The following GOLM1 variants were observed in gnomAD, a reference collection of about 807,000 sequenced individuals.
The protein encoded by GOLM1 is golgi membrane protein 1.
Under a neutral mutation model 50.5 loss-of-function variants are expected in GOLM1, and 31 were observed. That is an observed-to-expected ratio of 0.61 (90% CI 0.46 to 0.83). GOLM1 has a LOEUF of 0.83. GOLM1 is among the 40% of genes least tolerant of loss of function. GOLM1 has a pLI of 0.00. For missense variants in GOLM1, 491 were observed against 501.3 expected (o/e 0.98, Z 0.20); for synonymous variants, 178 against 192.8 (o/e 0.92, Z 0.64).
At position 86,052,445 on chromosome 9, in the gene GOLM1, T is replaced by TA; in HGVS notation, c.364+91dup. The TA allele has an allele frequency of 3.9e-6, 4 of 1,038,292 alleles. No homozygotes were observed. The South Asian group carries it at 5.1e-5, about 13-fold the overall frequency. 64.3% of individuals were successfully genotyped at this position (1,038,292 alleles called of 1,614,324 possible). A position where few individuals can be genotyped will look rare whatever the true frequency, so the allele number is the denominator to read the frequency against. ...CATGACACTATCCGCCATGAGATTA[T>TA]AATGGAGACCCACCTGGGCCTAGAG... On this transcript the variant is annotated intron_variant, in intron 4 of 9. Coordinates refer to ENST00000388712, the MANE Select transcript of GOLM1 (RefSeq NM_016548.4).
chr9:86,046,313 T>C (rs1055257071), intron 5 of GOLM1, among the ~76,000 whole-genome samples, 157 bp downstream of exon 5: 1 of 152,246 alleles, frequency 6.6e-6, no homozygotes, highest in Admixed American at 6.5e-5. Flanking sequence ...CTTGTGCATT[T>C]GTGTAGGACA....
intron 3 of GOLM1, among the ~76,000 whole-genome samples, chr9:86,065,770 G>A (rs955929345): frequency 2.6e-5 from 4 of 152,152 alleles, no homozygotes; most frequent in African/African-American, 4.8e-5. Flanking sequence ...GGCTGGGTGC[G>A]GTGGCACACA....
intron 6 of GOLM1, 91 bp from the exon 7 acceptor site, chr9:86,036,598 T>C (rs1833154923): frequency 5.4e-6 from 7 of 1,303,088 alleles, no homozygotes; most frequent in Non-Finnish European, 7.4e-6. Flanking sequence ...ATCCCACCAA[T>C]CCCACCACCA....
chr9:86,070,669 C>A (rs1834423552), intron 3 of GOLM1, among the ~76,000 whole-genome samples: 1 of 152,140 alleles, frequency 6.6e-6, no homozygotes, highest in African/African-American at 2.4e-5. Context: ...ACACAGGGCC[C>A]CAGGCACATC....
At chr9:86,069,895 T>C (rs566666783) in intron 3 of GOLM1, among the ~76,000 whole-genome samples, 4 of 67,828 alleles carry the variant, frequency 5.9e-5, no homozygotes, top group Non-Finnish European at 9.8e-5. Context: ...TCTTTTTTTC[T>C]TTTTTTGAGA....
At chr9:86,067,683 G>A (rs1359733025) in intron 3 of GOLM1, among the ~76,000 whole-genome samples, 1 of 152,198 alleles carries the variant, frequency 6.6e-6, no homozygotes, top group Non-Finnish European at 1.5e-5. Context: ...TTGAACCTGT[G>A]AAGGAGCCCA....
In GOLM1 at chr9:86,027,369, G is replaced by C. The variant is rs1351012979; in HGVS notation, c.*448C>G. 1 of 990,174 alleles carries C rather than the reference G, an allele frequency of 1.0e-6. No individual in the cohort carries two copies. Among genetic ancestry groups the C allele is most frequent in the South Asian group, 4.6e-5 (1 of 21,570 alleles). The allele number at this position is 990,174 out of a possible 1,614,324, so 61.3% of individuals were successfully genotyped here. A position where few individuals can be genotyped will look rare whatever the true frequency, so the allele number is the denominator to read the frequency against. On this transcript the variant is annotated 3_prime_UTR_variant, in exon 10 of 10. Transcript: ENST00000388712. ...GAGCATTAGCCAGACTTTTCAGTGA[G>C]AACAGGTAACAGGCTGGCACCAGCA...
At position 86,046,687 on chromosome 9, in the gene GOLM1, G is replaced by A. The variant is rs1587705999; in HGVS notation, c.365-115C>T. The A allele has an allele frequency of 1.7e-5, 12 of 702,420 alleles. No homozygotes were observed. In the East Asian group the frequency reaches 3.3e-4, roughly 19 times the overall value. 43.5% of individuals were successfully genotyped at this position (702,420 alleles called of 1,614,324 possible). The stretch of plus-strand genomic sequence containing the variant: ...AGACCATAAAGGGCAAGGACAGATT[G>A]GGACAAAGGAGGGGAGAGAGAAAAA... On this transcript the variant is annotated intron_variant, in intron 4 of 9. Coordinates refer to ENST00000388712, the MANE Select transcript of GOLM1 (RefSeq NM_016548.4).
chr9:86,032,853 A>C (rs1206681094), intron 9 of GOLM1, among the ~76,000 whole-genome samples: 2 of 152,226 alleles, frequency 1.3e-5, no homozygotes, highest in Admixed American at 1.3e-4. Context: ...ATTCTACAAG[A>C]TACTGGCCTG....
intron 1 of GOLM1, among the ~76,000 whole-genome samples, chr9:86,093,633 C>CTTAA (rs59292703): frequency 0.24 from 36,237 of 150,286 alleles, 7,363 homozygotes; most frequent in African/African-American, 0.53. Context: ...TACCTACTGG[C>CTTAA]TTAATTTAAA....
rs772182188 is a variant in GOLM1, at chr9:86,035,505, G to A, written c.878C>T (p.Ala293Val). 15 of 1,612,668 alleles carry A rather than the reference G, an allele frequency of 9.3e-6. No individual in the cohort carries two copies. Among genetic ancestry groups the A allele is most frequent in the Non-Finnish European group, 1.2e-5 (14 of 1,179,932 alleles). ...RPVGGRGFGG[A>V]GELGQTPQVQ... is the part of the protein sequence containing the mutation. ...CTGTGGGGTCTGGCCCAGTTCTCCG[G>A]CTCCCCCGAAGCCTCTTCCACCTAC... The change falls in exon 8 of 10, where the codon GCC becomes GTC. Residue 293 changes from alanine to valine, a missense_variant. Coordinates refer to ENST00000388712, the MANE Select transcript of GOLM1 (RefSeq NM_016548.4).
At chr9:86,055,434 T>C (rs1034470698) in intron 3 of GOLM1, among the ~76,000 whole-genome samples, 5 of 152,162 alleles carry the variant, frequency 3.3e-5, no homozygotes, top group Admixed American at 3.3e-4. Context: ...ACCCCACTTG[T>C]GGGTATGAAC....
At chr9:86,091,010 G>A (rs898779772) in intron 1 of GOLM1, among the ~76,000 whole-genome samples, 9 of 152,094 alleles carry the variant, frequency 5.9e-5, no homozygotes, top group African/African-American at 1.7e-4. Context: ...GGCTAGGGGA[G>A]GAGTTCCCCA....
At chr9:86,088,894 T>A (rs926485774) in intron 1 of GOLM1, among the ~76,000 whole-genome samples, 3 of 152,232 alleles carry the variant, frequency 2.0e-5, no homozygotes, top group African/African-American at 4.8e-5. Context: ...TTGCAGTGGC[T>A]GGTACTGGTT....
intron 1 of GOLM1, among the ~76,000 whole-genome samples, chr9:86,080,539 A>C (rs2118857962): frequency 6.6e-6 from 1 of 152,328 alleles, no homozygotes; most frequent in South Asian, 2.1e-4. Flanking sequence ...ATTCACCTGC[A>C]AAACCCAATT....
intron 8 of GOLM1, among the ~76,000 whole-genome samples, chr9:86,034,699 G>A (rs990214463): frequency 4.6e-5 from 7 of 152,190 alleles, no homozygotes; most frequent in African/African-American, 1.2e-4. Context: ...GGTAACTTCT[G>A]CAAATAAGTG....
At chr9:86,053,124 A>C (rs909294513) in intron 3 of GOLM1, among the ~76,000 whole-genome samples, 2 of 108,640 alleles carry the variant, frequency 1.8e-5, no homozygotes, top group South Asian at 3.2e-4. Context: ...ACACCACACC[A>C]CACACCACAC....
intron 3 of GOLM1, among the ~76,000 whole-genome samples, chr9:86,072,176 A>G (rs543712886): frequency 6.6e-6 from 1 of 152,284 alleles, no homozygotes; most frequent in Non-Finnish European, 1.5e-5. Context: ...ATTAACATTC[A>G]CAACAGTGGT....
chr9:86,087,717 G>A (rs1455626439), intron 1 of GOLM1, among the ~76,000 whole-genome samples: 2 of 152,174 alleles, frequency 1.3e-5, no homozygotes, highest in Non-Finnish European at 2.9e-5. Context: ...TTTTGCCATT[G>A]GTTCTGTTTA....
Sources: gnomAD v4.1 joint callset for allele counts (sites outside exome capture counted in the v4.1 genomes callset) on GRCh38, gnomAD v4.1.1 for gene constraint, MANE v1.5 for transcripts, NCBI Gene and HGNC (gene_info 2026-07-23, HGNC 2026-07-21) for gene names.